MALRD1: variants seen among roughly 807,000 people sequenced by gnomAD.
The protein encoded by MALRD1 is MAM and LDL receptor class A domain containing 1, also known as MAM and LDL-receptor class A domain-containing protein 1.
In MALRD1, 247 loss-of-function variants were observed where a neutral mutation model predicts 242.1. The observed-to-expected ratio is 1.02, with a 90% confidence interval of 0.92 to 1.13. The LOEUF is 1.13. Among genes scored for constraint, MALRD1 ranks in the 50% most tolerant of loss-of-function variants. The pLI, the probability that MALRD1 is intolerant of heterozygous loss-of-function variation, is 0.00. For missense variants in MALRD1, 2,989 were observed against 2,533.1 expected, an observed-to-expected ratio of 1.18 and a Z score of -3.86; for synonymous variants, 995 against 866.6, an observed-to-expected ratio of 1.15 and a Z score of -2.60.
Position 19,199,665 on chromosome 10 carries a change from G to T in MALRD1, c.1952-4063G>T, listed in dbSNP as rs188755789. 5.9e-3 allele frequency among the ~76,000 whole-genome samples: 892 copies of T among 152,220 alleles called. 6 individuals carry two copies. The highest frequency in any genetic ancestry group is 0.012 in the Admixed American group (184 of 15,292). On this transcript the variant is annotated intron_variant, in intron 14 of 39. Transcript: ENST00000454679. ...AAAATACAAACAGTAGCTGGGTATGGTGGCAGGCACCTGTAATCCCAGCTA... is the reference window on the plus strand; with the variant it reads ...AAAATACAAACAGTAGCTGGGTATGTTGGCAGGCACCTGTAATCCCAGCTA...
Position 19,066,111 on chromosome 10 carries a change from C to T in MALRD1, c.200-608C>T, listed in dbSNP as rs551299179. ...TAACCTATACGTATCCTCCTGTATA[C>T]TTTAAATCATCTTTAGACAATTTAC... On this transcript the variant is annotated intron_variant, in intron 1 of 39. Coordinates refer to ENST00000454679, the MANE Select transcript of MALRD1 (RefSeq NM_001142308.3). Among the ~76,000 whole-genome samples the T allele has an allele frequency of 2.0e-5, 3 of 152,166 alleles. No individual in the cohort carries two copies. The East Asian group carries it at 5.8e-4, about 29-fold the overall frequency.
chr10:19,420,556 A>T (rs1833685129), intron 28 of MALRD1, among the ~76,000 whole-genome samples: 1 of 152,122 alleles, frequency 6.6e-6, no homozygotes, highest in South Asian at 2.1e-4. Context: ...ATATTTAACT[A>T]ATGCTCATCA....
intron 29 of MALRD1, among the ~76,000 whole-genome samples, chr10:19,473,234 C>T (rs559442403): frequency 1.3e-5 from 2 of 150,856 alleles, no homozygotes; most frequent in East Asian, 3.9e-4. Flanking sequence ...ATGACGTATA[C>T]CCTGCTCCTA....
At chr10:19,058,647 A>G (rs949316388) in intron 1 of MALRD1, among the ~76,000 whole-genome samples, 1 of 152,120 alleles carries the variant, frequency 6.6e-6, no homozygotes, top group East Asian at 1.9e-4. Context: ...TAGCACACCA[A>G]TAATTCTTTT....
At chr10:19,216,790 G>C (rs1461559731) in intron 18 of MALRD1, among the ~76,000 whole-genome samples, 2 of 151,216 alleles carry the variant, frequency 1.3e-5, no homozygotes, top group African/African-American at 4.9e-5. Context: ...CTAAAAAATG[G>C]AAAAAATTAG....
chr10:19,607,311 A>C (rs1838684956), intron 34 of MALRD1, among the ~76,000 whole-genome samples: 1 of 152,176 alleles, frequency 6.6e-6, no homozygotes, highest in African/African-American at 2.4e-5. Context: ...TAAAAGTCCA[A>C]GATCAACGTG....
chr10:19,401,689 T>C (rs906840910), intron 28 of MALRD1, among the ~76,000 whole-genome samples: 1 of 152,082 alleles, frequency 6.6e-6, no homozygotes, highest in Non-Finnish European at 1.5e-5. Context: ...TTAATTTAAT[T>C]CTCGTGGCTC....
chr10:19,056,242 T>G (rs1834663404), intron 1 of MALRD1, among the ~76,000 whole-genome samples: 1 of 152,200 alleles, frequency 6.6e-6, no homozygotes, highest in East Asian at 1.9e-4. Context: ...CATTGGAATT[T>G]TGATAGGGAT....
intron 36 of MALRD1, among the ~76,000 whole-genome samples, chr10:19,676,596 A>G (rs1427836274): frequency 1.3e-5 from 2 of 152,192 alleles, no homozygotes; most frequent in Non-Finnish European, 2.9e-5. Flanking sequence ...ATCAGGGAAA[A>G]GTATTGGATC....
intron 32 of MALRD1, among the ~76,000 whole-genome samples, chr10:19,550,086 G>A (rs1209924899): frequency 2.0e-5 from 3 of 152,002 alleles, no homozygotes; most frequent in Non-Finnish European, 2.9e-5. Flanking sequence ...GGGGATTCTT[G>A]GTCTTCATCT....
At chr10:19,598,948 G>T (rs1469179696) in intron 34 of MALRD1, among the ~76,000 whole-genome samples, 1 of 152,106 alleles carries the variant, frequency 6.6e-6, no homozygotes, top group Non-Finnish European at 1.5e-5. Flanking sequence ...GTTTCTGAGA[G>T]ATCAAATAAG....
chr10:19,453,913 G>A (rs1373132269), intron 29 of MALRD1, among the ~76,000 whole-genome samples: 1 of 152,012 alleles, frequency 6.6e-6, no homozygotes, highest in Non-Finnish European at 1.5e-5. Context: ...CATAAGCCAA[G>A]CATTGTGGCT....
intron 6 of MALRD1, among the ~76,000 whole-genome samples, chr10:19,124,165 T>C (rs1837168472): frequency 6.6e-6 from 1 of 152,072 alleles, no homozygotes; most frequent in Admixed American, 6.6e-5. Context: ...TACAGTGGGC[T>C]ATGATTGCAC....
chr10:19,578,258 C>T (rs1836928774), intron 33 of MALRD1, among the ~76,000 whole-genome samples: 1 of 152,048 alleles, frequency 6.6e-6, no homozygotes, highest in African/African-American at 2.4e-5. Context: ...CAGAAAGGAC[C>T]AGTTGCTATT....
intron 18 of MALRD1, among the ~76,000 whole-genome samples, chr10:19,250,473 A>G (rs1044308669): frequency 7.9e-5 from 12 of 152,038 alleles, no homozygotes; most frequent in Non-Finnish European, 1.0e-4. Context: ...GTATTTTAAA[A>G]TAGCATGTGA....
intron 10 of MALRD1, among the ~76,000 whole-genome samples, chr10:19,145,611 G>C (rs941720543): frequency 2.7e-4 from 40 of 149,516 alleles, no homozygotes; most frequent in Non-Finnish European, 4.4e-4. Flanking sequence ...CTGAGACTGC[G>C]CCACTGCACT....
chr10:19,137,575 T>G (rs1187506496), intron 10 of MALRD1, among the ~76,000 whole-genome samples: 2 of 132,062 alleles, frequency 1.5e-5, no homozygotes, highest in African/African-American at 5.8e-5. Context: ...CATTGCACTC[T>G]CCAGCCCAGG....
intron 11 of MALRD1, among the ~76,000 whole-genome samples, chr10:19,151,121 CAATTAATGGG>C (rs1564425040): frequency 1.3e-5 from 2 of 151,982 alleles, no homozygotes; most frequent in African/African-American, 4.8e-5. Flanking sequence ...TAAAAATTTC[CAATTAATGGG>C]TGTACAATGA....
rs186964800 is a variant in MALRD1, at chr10:19,379,930, G to A, written c.4442-7598G>A. The stretch of plus-strand genomic sequence containing the variant: ...CTTTTGATTCTGTCAGTGTGTGTTT[G>A]TTGTAATTACATGGATAAACACTGA... On this transcript the variant is annotated intron_variant, in intron 26 of 39. Transcript: ENST00000454679. Among the ~76,000 whole-genome samples, 288 of 147,732 alleles carry A rather than the reference G, an allele frequency of 1.9e-3. 4 individuals carry two copies. Among genetic ancestry groups the A allele is most frequent in the Admixed American group, 0.013 (195 of 14,832 alleles).
Sources: allele counts gnomAD v4.1 joint callset (sites outside exome capture counted in the v4.1 genomes callset), GRCh38; gene constraint gnomAD v4.1.1; transcripts MANE v1.5; gene names NCBI Gene and HGNC (gene_info 2026-07-23, HGNC 2026-07-21).